Variants in EVX2 observed in about 807,000 individuals in gnomAD.
EVX2 encodes homeobox even-skipped homolog protein 2.
EVX2 carries 10 observed loss-of-function variants against 19.2 expected under a neutral mutation model. The ratio of observed to expected loss-of-function variants is 0.52; its 90% CI spans 0.32 to 0.89. The LOEUF (loss-of-function observed/expected upper bound fraction) is 0.89, where lower values mean the gene tolerates loss of function less well. Ranked by LOEUF, EVX2 falls within the 40% of genes least tolerant of loss-of-function variation. EVX2 has a pLI of 0.03. For synonymous variants in EVX2, 354 were observed against 328.4 expected (o/e 1.08, Z -0.84); for missense variants, 710 against 694.9 (o/e 1.02, Z -0.24).
Position 176,080,858 on chromosome 2 carries a change from G to A in EVX2, c.700-20C>T, listed in dbSNP as rs1317485771. On this transcript the variant is annotated intron_variant, in intron 2 of 2. Coordinates refer to ENST00000308618, the MANE Select transcript of EVX2 (RefSeq NM_001080458.2). The surrounding 1 kb of genome is among the most constrained non-coding windows in gnomAD (Gnocchi z 7.0). ...CCACACCTGCGGGGAGAGACGCGCC[G>A]CAGCCTGGGTTAGGGAGCGCCCCGT... is the stretch of plus-strand genomic sequence containing the variant. 1 of 1,599,650 alleles carries A rather than the reference G, an allele frequency of 6.3e-7. No individual in the cohort carries two copies. Among genetic ancestry groups the A allele is most frequent in the Non-Finnish European group, 8.5e-7 (1 of 1,174,126 alleles).
rs1689114226 is a variant in EVX2 at position 176,080,224 on chromosome 2, G to C, written c.1314C>G (p.Gly438=). The stretch of plus-strand genomic sequence containing the variant: ...CGGAACGCGGCGCCGCCGCGCTGCA[G>C]CCGAAGTCCGAGCCTCCCCCGGCCC... The part of the protein sequence containing the change: ...GAGAGGGSDF[G]CSAAAPRSES... Residue 438 remains glycine, a synonymous_variant, in exon 3 of 3, where the codon GGC becomes GGG. Coordinates refer to ENST00000308618, the MANE Select transcript of EVX2 (RefSeq NM_001080458.2). The surrounding 1 kb of genome is among the most constrained non-coding windows in gnomAD (Gnocchi z 7.0). 6 of 1,438,742 alleles carry C rather than the reference G, an allele frequency of 4.2e-6. No homozygotes were observed. The highest frequency in any genetic ancestry group is 5.5e-6 in the Non-Finnish European group (6 of 1,093,404). The allele number at this position is 1,438,742 out of a possible 1,614,324, so 89.1% of individuals were successfully genotyped here. A position where few individuals can be genotyped will look rare whatever the true frequency, so the allele number is the denominator to read the frequency against.
Position 176,080,850 on chromosome 2 carries a change from G to A in EVX2, c.700-12C>T, listed in dbSNP as rs915222621. 1 of 1,604,956 alleles carries A rather than the reference G, an allele frequency of 6.2e-7. No homozygotes were observed. The highest frequency in any genetic ancestry group is 8.5e-7 in the Non-Finnish European group (1 of 1,176,446). ...TTCTGGAACCACACCTGCGGGGAGA[G>A]ACGCGCCGCAGCCTGGGTTAGGGAG... On this transcript the variant is annotated splice_polypyrimidine_tract_variant and intron_variant, in intron 2 of 2. Transcript: ENST00000308618. This position sits in a 1 kb window ranked among gnomAD's most constrained non-coding sequence, Gnocchi z 7.0.
At position 176,080,623 on chromosome 2, in the gene EVX2, CGCCGCGCCTGAGGCTGCA is replaced by C; in HGVS notation, c.897_914del (p.Ser302_Ala307del). ...TAGCGAAGGGCGACGAAGCCGCGGC[CGCCGCGCCTGAGGCTGCA>C]GCCGCGGCCGCCGCCGCCGTGACGC... On this transcript the variant is annotated inframe_deletion, in exon 3 of 3. Transcript: ENST00000308618. The surrounding 1 kb of genome is among the most constrained non-coding windows in gnomAD (Gnocchi z 7.0). 3 of 1,528,524 alleles carry C rather than the reference CGCCGCGCCTGAGGCTGCA, an allele frequency of 2.0e-6. No individual in the cohort carries two copies. Among genetic ancestry groups the C allele is most frequent in the Non-Finnish European group, 8.7e-7 (1 of 1,150,786 alleles). The allele number at this position is 1,528,524 out of a possible 1,614,324, so 94.7% of individuals were successfully genotyped here. A position where few individuals can be genotyped will look rare whatever the true frequency, so the allele number is the denominator to read the frequency against.
rs899222892 is a variant in EVX2 at position 176,083,030 on chromosome 2, G to A, written c.427+320C>T. The stretch of plus-strand genomic sequence containing the variant: ...GTTGCCCAGGGTACCTTTCCCAAAA[G>A]CAACTCGGCTGCTGACTAGGGGTCT... On this transcript the variant is annotated intron_variant, in intron 1 of 2. Coordinates refer to ENST00000308618, the MANE Select transcript of EVX2 (RefSeq NM_001080458.2). The surrounding 1 kb of genome is among the most constrained non-coding windows in gnomAD (Gnocchi z 4.4). Among the ~76,000 whole-genome samples, 2 of 152,230 alleles carry A rather than the reference G, an allele frequency of 1.3e-5. No individual in the cohort carries two copies. The highest frequency in any genetic ancestry group is 2.9e-5 in the Non-Finnish European group (2 of 68,040).
In EVX2 at chr2:176,080,859, C is replaced by T. The variant is rs1689138361; in HGVS notation, c.700-21G>A. 1.2e-6 allele frequency: 2 copies of T among 1,600,164 alleles called. No homozygotes were observed. Among genetic ancestry groups the T allele is most frequent in the Non-Finnish European group, 1.7e-6 (2 of 1,174,274 alleles). The stretch of plus-strand genomic sequence containing the variant: ...CACACCTGCGGGGAGAGACGCGCCG[C>T]AGCCTGGGTTAGGGAGCGCCCCGTG... On this transcript the variant is annotated intron_variant, in intron 2 of 2. Transcript: ENST00000308618. The surrounding 1 kb of genome is among the most constrained non-coding windows in gnomAD (Gnocchi z 7.0).
rs575946042 is a variant in EVX2, at chr2:176,081,463, A to C, written c.700-625T>G. 5.3e-5 allele frequency among the ~76,000 whole-genome samples: 8 copies of C among 152,274 alleles called. No homozygotes were observed. The South Asian group carries it at 1.0e-3, about 20-fold the overall frequency. On this transcript the variant is annotated intron_variant, in intron 2 of 2. Transcript: ENST00000308618. The surrounding 1 kb of genome is among the most constrained non-coding windows in gnomAD (Gnocchi z 5.9). ...AAGACATCATTCGTCACAACTCTAA[A>C]TTAAAGAAAGCCCGATCAAACCAGA...
chr2:176,080,182 G>A lies in EVX2; in HGVS notation c.1356C>T (p.Pro452=), dbSNP rs558976318. 2.0e-6 allele frequency: 3 copies of A among 1,507,434 alleles called. No homozygotes were observed. In the East Asian group the frequency reaches 8.4e-5, roughly 42 times the overall value. The allele number at this position is 1,507,434 out of a possible 1,614,324, so 93.4% of individuals were successfully genotyped here. A position where few individuals can be genotyped will look rare whatever the true frequency, so the allele number is the denominator to read the frequency against. Reference sequence around the variant, plus strand: ...TCTTACTAAGCACCGCGGCCGAGTAGGGCAGGAAGCCGCTCTCGGAACGCG... The same window carrying A: ...TCTTACTAAGCACCGCGGCCGAGTAAGGCAGGAAGCCGCTCTCGGAACGCG... ...AAPRSESGFL[P]YSAAVLSKTA... The change falls in exon 3 of 3, where the codon CCC becomes CCT. Residue 452 remains proline (P), a synonymous_variant. Transcript: ENST00000308618. This position sits in a 1 kb window ranked among gnomAD's most constrained non-coding sequence, Gnocchi z 7.0.
Position 176,083,851 on chromosome 2 carries a change from C to T in EVX2, c.-75G>A. Reference sequence around the variant, plus strand: ...ATAGGCTGCGCCTAGGGCTAATTCTCATTCAGCCCCAGCGAACGCCTCTAA... The same window carrying T: ...ATAGGCTGCGCCTAGGGCTAATTCTTATTCAGCCCCAGCGAACGCCTCTAA... On this transcript the variant is annotated 5_prime_UTR_variant, in exon 1 of 3. It removes an upstream start codon present in the reference 5' UTR. Transcript: ENST00000308618. This position sits in a 1 kb window ranked among gnomAD's most constrained non-coding sequence, Gnocchi z 4.4. 1 of 1,285,064 alleles carries T rather than the reference C, an allele frequency of 7.8e-7. No individual in the cohort carries two copies. The highest frequency in any genetic ancestry group is 1.1e-6 in the Non-Finnish European group (1 of 924,700). The allele number at this position is 1,285,064 out of a possible 1,614,324, so 79.6% of individuals were successfully genotyped here.
rs928062340 is a variant in EVX2 at position 176,080,330 on chromosome 2, G to C, written c.1208C>G (p.Ala403Gly). Residue 403 changes from alanine to glycine, a missense_variant, in exon 3 of 3, where the codon GCA becomes GGA. Physicochemically the swap from Ala to Gly is moderately conservative, Grantham distance 60 (BLOSUM62 0). Coordinates refer to ENST00000308618, the MANE Select transcript of EVX2 (RefSeq NM_001080458.2). The surrounding 1 kb of genome is among the most constrained non-coding windows in gnomAD (Gnocchi z 7.0). The part of the protein sequence containing the change: ...HSSQSAAAAA[A>G]AAAAALGSRG... ...GGAACCCAGGGCTGCGGCAGCTGCTGCCGCGGCTGCCGCCGCCGACTGACT... is the reference window on the plus strand; with the variant it reads ...GGAACCCAGGGCTGCGGCAGCTGCTCCCGCGGCTGCCGCCGCCGACTGACT... The C allele has an allele frequency of 7.8e-7, 1 of 1,281,238 alleles. No individual in the cohort carries two copies. The highest frequency in any genetic ancestry group is 1.0e-6 in the Non-Finnish European group (1 of 1,000,728). 79.4% of individuals were successfully genotyped at this position (1,281,238 alleles called of 1,614,324 possible).
At position 176,083,610 on chromosome 2, in the gene EVX2, G is replaced by A. The variant is rs1265625968; in HGVS notation, c.167C>T (p.Ala56Val). 4 of 1,614,192 alleles carry A rather than the reference G, an allele frequency of 2.5e-6. No individual in the cohort carries two copies. Among genetic ancestry groups the A allele is most frequent in the Non-Finnish European group, 3.4e-6 (4 of 1,180,036 alleles). ...TTCTCCCAGAGCGCTGTGCAGGGGG[G>A]CAGACGGCAGGCGCGGGCTTAGGCG... ...PARLSPRLPS[A>V]PLHSALGELP... The change falls in exon 1 of 3, where the codon GCC (alanine) becomes GTC (valine). Residue 56 changes from alanine (A) to valine (V), a missense_variant. Coordinates refer to ENST00000308618, the MANE Select transcript of EVX2 (RefSeq NM_001080458.2). The surrounding 1 kb of genome is among the most constrained non-coding windows in gnomAD (Gnocchi z 4.4).
Position 176,080,486 on chromosome 2 carries a change from G to T in EVX2, c.1052C>A (p.Ala351Glu). The change falls in exon 3 of 3, where the codon GCG becomes GAG. Residue 351 changes from alanine (A) to glutamate (E), a missense_variant. Physicochemically the swap from Ala to Glu is moderately radical, Grantham distance 107. Transcript: ENST00000308618. This position sits in a 1 kb window ranked among gnomAD's most constrained non-coding sequence, Gnocchi z 7.0. ...PGLYQAPAAA[A>E]GLNSAASAAA... The stretch of plus-strand genomic sequence containing the variant: ...GGCAGAGGCCGCGCTGTTGAGCCCC[G>T]CGGCGGCCGCGGGAGCCTGGTAGAG... 7.5e-7 allele frequency: 1 copy of T among 1,331,520 alleles called. No homozygotes were observed. The allele number at this position is 1,331,520 out of a possible 1,614,324, so 82.5% of individuals were successfully genotyped here.
Position 176,080,912 on chromosome 2 carries a change from C to A in EVX2, c.700-74G>T. ...CCCAGCTCCTGTCCCAGGACCTCTGCCCCTTCCGGACCTCTGAATGGCTTG... is the reference window on the plus strand; with the variant it reads ...CCCAGCTCCTGTCCCAGGACCTCTGACCCTTCCGGACCTCTGAATGGCTTG... On this transcript the variant is annotated intron_variant, in intron 2 of 2. Coordinates refer to ENST00000308618, the MANE Select transcript of EVX2 (RefSeq NM_001080458.2). The surrounding 1 kb of genome is among the most constrained non-coding windows in gnomAD (Gnocchi z 7.0). 6.6e-7 allele frequency: 1 copy of A among 1,512,904 alleles called. No homozygotes were observed. The allele number at this position is 1,512,904 out of a possible 1,614,324, so 93.7% of individuals were successfully genotyped here.
chr2:176,083,715 GC>G lies in EVX2; in HGVS notation c.61del (p.Ala21ArgfsTer29). ...GGACAAATTGGAGAATCTCTTGCCC[GC>G]CGTAGGGCTGTGCAGCCCTCTCTCC... The part of the protein sequence containing the change: ...LMERGLHSPT[A>X]GKRFSNLSNS... On this transcript the variant is annotated frameshift_variant, in exon 1 of 3. Transcript: ENST00000308618. LOFTEE classifies it high-confidence loss of function. This position sits in a 1 kb window ranked among gnomAD's most constrained non-coding sequence, Gnocchi z 4.4. 1 of 1,613,720 alleles carries G rather than the reference GC, an allele frequency of 6.2e-7. No homozygotes were observed. The highest frequency in any genetic ancestry group is 8.5e-7 in the Non-Finnish European group (1 of 1,179,878).
chr2:176,081,106 TTGC>T lies in EVX2; in HGVS notation c.700-271_700-269del, dbSNP rs763794267. Among the ~76,000 whole-genome samples the T allele has an allele frequency of 2.6e-5, 4 of 152,192 alleles. No individual in the cohort carries two copies. On this transcript the variant is annotated intron_variant, in intron 2 of 2. Coordinates refer to ENST00000308618, the MANE Select transcript of EVX2 (RefSeq NM_001080458.2). This position sits in a 1 kb window ranked among gnomAD's most constrained non-coding sequence, Gnocchi z 5.9. Reference sequence around the variant, plus strand: ...CCTCAGGCTTTTATTCCCTTACTTCTTGCTGCACTTTTTTGTCCCAATCCAACC... The same window carrying T: ...CCTCAGGCTTTTATTCCCTTACTTCTTGCACTTTTTTGTCCCAATCCAACC...
chr2:176,082,385 G>C lies in EVX2; in HGVS notation c.492C>G (p.Ser164Arg), dbSNP rs772509121. Residue 164 changes from serine (S) to arginine (R), a missense_variant, in exon 2 of 3, where the codon AGC becomes AGG. Coordinates refer to ENST00000308618, the MANE Select transcript of EVX2 (RefSeq NM_001080458.2). The surrounding 1 kb of genome is among the most constrained non-coding windows in gnomAD (Gnocchi z 5.2). The stretch of plus-strand genomic sequence containing the variant: ...CGCTGCCTCCGCTGCCTCCATGCAG[G>C]CTTCCGAGGCCTGAGCCCGACGCCG... ...TTSASGSGLG[S>R]LHGGSGGSGG... 1.1e-5 allele frequency: 18 copies of C among 1,602,224 alleles called. No homozygotes were observed. The highest frequency in any genetic ancestry group is 1.5e-5 in the Non-Finnish European group (18 of 1,177,322).
chr2:176,083,377 C>T lies in EVX2; in HGVS notation c.400G>A (p.Ala134Thr). 1 of 1,604,606 alleles carries T rather than the reference C, an allele frequency of 6.2e-7. No homozygotes were observed. The highest frequency in any genetic ancestry group is 8.5e-7 in the Non-Finnish European group (1 of 1,175,128). Residue 134 changes from alanine to threonine, a missense_variant, in exon 1 of 3, where the codon GCT becomes ACT. By Grantham distance (58) the Ala-to-Thr change is moderately conservative. Coordinates refer to ENST00000308618, the MANE Select transcript of EVX2 (RefSeq NM_001080458.2). The surrounding 1 kb of genome is among the most constrained non-coding windows in gnomAD (Gnocchi z 4.4). ...ALRSPGGLGA[A>T]QLKENNGKGY... Reference sequence around the variant, plus strand: ...TTGCCATTGTTTTCCTTAAGCTGAGCGGCGCCGAGGCCCCCGGGGGAGCGA... The same window carrying T: ...TTGCCATTGTTTTCCTTAAGCTGAGTGGCGCCGAGGCCCCCGGGGGAGCGA...
rs1218568531 is a variant in EVX2, at chr2:176,083,408, G to T, written c.369C>A (p.Ser123=). Residue 123 remains serine, a synonymous_variant, in exon 1 of 3, where the codon TCC becomes TCA. Coordinates refer to ENST00000308618, the MANE Select transcript of EVX2 (RefSeq NM_001080458.2). The surrounding 1 kb of genome is among the most constrained non-coding windows in gnomAD (Gnocchi z 4.4). ...CGAGGCCCCCGGGGGAGCGAAGCGC[G>T]GAGCAGCCCACCTCCACGTCGCTGC... ...DMSSDVEVGC[S]ALRSPGGLGA... 1.9e-6 allele frequency: 3 copies of T among 1,613,064 alleles called. No homozygotes were observed. The highest frequency in any genetic ancestry group is 1.7e-5 in the Admixed American group (1 of 59,908).
In EVX2 at chr2:176,082,924, C is replaced by T. The variant is rs1689168956; in HGVS notation, c.427+426G>A. Among the ~76,000 whole-genome samples the T allele has an allele frequency of 6.6e-6, 1 of 152,236 alleles. No homozygotes were observed. Among genetic ancestry groups the T allele is most frequent in the African/African-American group, 2.4e-5 (1 of 41,464 alleles). On this transcript the variant is annotated intron_variant, in intron 1 of 2. Transcript: ENST00000308618. This position sits in a 1 kb window ranked among gnomAD's most constrained non-coding sequence, Gnocchi z 5.2. ...TTTCTCCCGCTGACCTAAACAGAGACGCCGGCGAGGCTTCCTCCGACTTAC... is the reference window on the plus strand; with the variant it reads ...TTTCTCCCGCTGACCTAAACAGAGATGCCGGCGAGGCTTCCTCCGACTTAC...
chr2:176,083,717 C>G lies in EVX2; in HGVS notation c.60G>C (p.Thr20=), dbSNP rs61731351. ...ACAAATTGGAGAATCTCTTGCCCGCCGTAGGGCTGTGCAGCCCTCTCTCCA... is the reference window on the plus strand; with the variant it reads ...ACAAATTGGAGAATCTCTTGCCCGCGGTAGGGCTGTGCAGCCCTCTCTCCA... The part of the protein sequence containing the change: ...ILMERGLHSP[T]AGKRFSNLSN... Residue 20 remains threonine (T), a synonymous_variant, in exon 1 of 3, where the codon ACG becomes ACC. Transcript: ENST00000308618. This position sits in a 1 kb window ranked among gnomAD's most constrained non-coding sequence, Gnocchi z 4.4. 7.0e-3 allele frequency: 11,370 copies of G among 1,613,892 alleles called. 685 individuals are homozygous for G. In the African/African-American group the frequency reaches 0.13, roughly 19 times the overall value.
Sources: allele counts gnomAD v4.1 joint callset (sites outside exome capture counted in the v4.1 genomes callset), GRCh38; gene constraint gnomAD v4.1.1; non-coding constraint Gnocchi (gnomAD v3.1); transcripts MANE v1.5; gene names NCBI Gene and HGNC (gene_info 2026-07-23, HGNC 2026-07-21).